The following PLPPR1 variants were observed in gnomAD, a reference collection of about 807,000 sequenced individuals.
PLPPR1 encodes phospholipid phosphatase related 1.
A neutral mutation model predicts 33.1 loss-of-function variants in PLPPR1; 10 were observed. That is an observed-to-expected ratio of 0.30 (90% CI 0.19 to 0.51). The LOEUF is 0.51. PLPPR1 is among the 20% of genes least tolerant of loss of function. The pLI, the probability that PLPPR1 is intolerant of heterozygous loss-of-function variation, is 0.97. For missense variants in PLPPR1, 304 were observed against 408.1 expected, an observed-to-expected ratio of 0.74 and a Z score of 2.20; for synonymous variants, 151 against 151.0, an observed-to-expected ratio of 1.00 and a Z score of 0.00.
chr9:101,109,307 C>G (rs1386134854), intron 1 of PLPPR1, among the ~76,000 whole-genome samples: 2 of 151,802 alleles, frequency 1.3e-5, no homozygotes, highest in Non-Finnish European at 2.9e-5. Flanking sequence ...ATAAAGGGGT[C>G]CTGAAATCAA....
At chr9:101,165,923 C>T (rs1825848815) in intron 1 of PLPPR1, among the ~76,000 whole-genome samples, 1 of 152,226 alleles carries the variant, frequency 6.6e-6, no homozygotes, top group African/African-American at 2.4e-5. Flanking sequence ...AAGCCACCAT[C>T]TCCTTTTGTC....
chr9:101,145,403 C>T (rs58422308), intron 1 of PLPPR1, among the ~76,000 whole-genome samples: 26,627 of 151,760 alleles, frequency 0.18, 2,578 homozygotes, highest in Non-Finnish European at 0.22. Context: ...TTTTTTGAGA[C>T]GGAGTTTTGC....
intron 4 of PLPPR1, among the ~76,000 whole-genome samples, chr9:101,289,498 A>C (rs78011368): frequency 6.6e-6 from 1 of 152,188 alleles, no homozygotes; most frequent in African/African-American, 2.4e-5. Flanking sequence ...TCTCTACCCA[A>C]ATCTCATCTT....
chr9:101,149,827 T>C (rs931527942), intron 1 of PLPPR1, among the ~76,000 whole-genome samples: 1 of 152,146 alleles, frequency 6.6e-6, no homozygotes, highest in African/African-American at 2.4e-5. Context: ...ATCTTCAGTT[T>C]CAAATCTTTA....
chr9:101,221,794 A>G (rs1216931989), intron 2 of PLPPR1, among the ~76,000 whole-genome samples: 6 of 152,210 alleles, frequency 3.9e-5, no homozygotes, highest in Admixed American at 3.9e-4. Context: ...AGAAGAATAT[A>G]TATTTACAGA....
intron 1 of PLPPR1, among the ~76,000 whole-genome samples, chr9:101,117,155 G>C (rs911614580): frequency 2.6e-5 from 4 of 152,092 alleles, no homozygotes; most frequent in African/African-American, 9.7e-5. Context: ...ATGTATAGAG[G>C]CTGGGTAAAA....
chr9:101,050,349 G>C (rs1830206837), intron 1 of PLPPR1, among the ~76,000 whole-genome samples: 1 of 152,142 alleles, frequency 6.6e-6, no homozygotes, highest in Non-Finnish European at 1.5e-5. Flanking sequence ...ATGAGAAGTG[G>C]AGGGGAGTAA....
At chr9:101,253,551 A>G (rs1827747559) in intron 2 of PLPPR1, among the ~76,000 whole-genome samples, 1 of 152,116 alleles carries the variant, frequency 6.6e-6, no homozygotes, top group African/African-American at 2.4e-5. Context: ...CAAAAATAAA[A>G]AAAAAAATGC....
intron 2 of PLPPR1, among the ~76,000 whole-genome samples, chr9:101,206,781 C>T (rs749123168): frequency 1.3e-5 from 2 of 152,104 alleles, no homozygotes; most frequent in Admixed American, 6.5e-5. Context: ...CCTGAAAGTA[C>T]TCATTCCTCC....
chr9:101,194,194 T>A (rs1826352658), intron 2 of PLPPR1, among the ~76,000 whole-genome samples: 1 of 152,182 alleles, frequency 6.6e-6, no homozygotes, highest in African/African-American at 2.4e-5. Flanking sequence ...ATATTCTATA[T>A]AATAAAACAT....
At chr9:101,144,438 G>A (rs1831497370) in intron 1 of PLPPR1, among the ~76,000 whole-genome samples, 1 of 152,138 alleles carries the variant, frequency 6.6e-6, no homozygotes, top group South Asian at 2.1e-4. Flanking sequence ...AAGTTAAATG[G>A]GGTCATTGGA....
At chr9:101,051,032 A>C (rs1443326612) in intron 1 of PLPPR1, among the ~76,000 whole-genome samples, 1 of 151,982 alleles carries the variant, frequency 6.6e-6, no homozygotes, top group Non-Finnish European at 1.5e-5. Flanking sequence ...TCATAGTTTC[A>C]TCTTGCCTCT....
At chr9:101,031,234 G>A (rs1829941438) in intron 1 of PLPPR1, among the ~76,000 whole-genome samples, 2 of 152,066 alleles carry the variant, frequency 1.3e-5, no homozygotes, top group South Asian at 4.2e-4. Flanking sequence ...GCTTTCACTA[G>A]AGCTCTTTAT....
intron 2 of PLPPR1, among the ~76,000 whole-genome samples, chr9:101,190,175 A>T (rs566200821): frequency 2.6e-5 from 4 of 152,150 alleles, no homozygotes; most frequent in Non-Finnish European, 5.9e-5. Context: ...CAGGTGGATT[A>T]TATAGAACAC....
At chr9:101,188,016 A>G (rs963055720) in intron 2 of PLPPR1, 1 of 152,038 alleles carries the variant, frequency 6.6e-6, no homozygotes, top group African/African-American at 2.4e-5. Context: ...CATAAATGAC[A>G]CTATGCTGAA....
chr9:101,216,162 C>G (rs1826790666), intron 2 of PLPPR1, among the ~76,000 whole-genome samples: 1 of 152,138 alleles, frequency 6.6e-6, no homozygotes, highest in Admixed American at 6.6e-5. Flanking sequence ...TTGTTACTGT[C>G]TGTCTTCATG....
chr9:101,087,075 G>T (rs1040265126), intron 1 of PLPPR1, among the ~76,000 whole-genome samples: 3 of 152,036 alleles, frequency 2.0e-5, no homozygotes, highest in Non-Finnish European at 2.9e-5. Context: ...CTACTCAGAA[G>T]GCTGAGGCAG....
intron 2 of PLPPR1, among the ~76,000 whole-genome samples, chr9:101,251,079 T>G (rs903365615): frequency 1.3e-5 from 2 of 152,062 alleles, no homozygotes; most frequent in Admixed American, 1.3e-4. Flanking sequence ...GCTGCCTCCT[T>G]CATGTCTCAC....
At chr9:101,305,960 C>A (rs776896344) in intron 4 of PLPPR1, among the ~76,000 whole-genome samples, 6 of 152,036 alleles carry the variant, frequency 3.9e-5, no homozygotes, top group Non-Finnish European at 8.8e-5. Context: ...GACTTTAACA[C>A]CTTCATCATC....
Sources: allele counts gnomAD v4.1 joint callset (sites outside exome capture counted in the v4.1 genomes callset), GRCh38; gene constraint gnomAD v4.1.1; transcripts MANE v1.5; gene names NCBI Gene and HGNC (gene_info 2026-07-23, HGNC 2026-07-21).